The following PTPRD variants were observed in gnomAD, a reference collection of about 807,000 sequenced individuals.
PTPRD encodes receptor-type tyrosine-protein phosphatase delta.
A neutral mutation model predicts 214.5 loss-of-function variants in PTPRD; 34 were observed. The observed-to-expected ratio is 0.16, with a 90% CI of 0.12 to 0.21. The LOEUF (loss-of-function observed/expected upper bound fraction) is 0.21. Among genes scored for constraint, PTPRD ranks in the 10% least tolerant of loss-of-function variants. The pLI, the probability that PTPRD is intolerant of heterozygous loss-of-function variation, is 1.00. For missense variants in PTPRD, 2,545 were observed against 2,398.7 expected, an observed-to-expected ratio of 1.06 and a Z score of -1.27; for synonymous variants, 1,128 against 845.7, an observed-to-expected ratio of 1.33 and a Z score of -5.79.
chr9:10,118,126 T>A (rs746792256), intron 3 of PTPRD, among the ~76,000 whole-genome samples: 1 of 151,956 alleles, frequency 6.6e-6, no homozygotes, highest in Non-Finnish European at 1.5e-5. Flanking sequence ...AGGTTTGCAA[T>A]GGCCATGATA....
chr9:9,410,132 G>A (rs572583453), intron 8 of PTPRD, among the ~76,000 whole-genome samples: 1 of 152,122 alleles, frequency 6.6e-6, no homozygotes, highest in Non-Finnish European at 1.5e-5. Flanking sequence ...TTTAAAGACA[G>A]CATCAGTTGC....
intron 4 of PTPRD, among the ~76,000 whole-genome samples, chr9:10,020,191 T>C (rs1453171823): frequency 3.3e-5 from 5 of 152,206 alleles, no homozygotes; most frequent in Non-Finnish European, 7.4e-5. Flanking sequence ...TTTTTAAAAG[T>C]TACTATTTTA....
intron 19 of PTPRD, among the ~76,000 whole-genome samples, chr9:8,522,925 C>G (rs1050488938): frequency 2.6e-5 from 4 of 152,112 alleles, no homozygotes; most frequent in African/African-American, 9.7e-5. Context: ...AACTTTTTGG[C>G]TGCTCTTAAG....
At chr9:9,291,620 T>C (rs62532860) in intron 9 of PTPRD, among the ~76,000 whole-genome samples, 19,878 of 151,300 alleles carry the variant, frequency 0.13, 1,663 homozygotes, top group Middle Eastern at 0.2. Flanking sequence ...TAAGCAACTA[T>C]AAAGTTTATA....
intron 9 of PTPRD, among the ~76,000 whole-genome samples, chr9:9,380,652 T>G (rs1386290168): frequency 6.6e-6 from 1 of 152,298 alleles, no homozygotes; most frequent in Admixed American, 6.5e-5. Flanking sequence ...AAGAATTTTT[T>G]TTGCCATTGT....
chr9:10,034,948 G>A (rs2097151148), intron 3 of PTPRD, among the ~76,000 whole-genome samples: 1 of 151,780 alleles, frequency 6.6e-6, no homozygotes, highest in Non-Finnish European at 1.5e-5. Flanking sequence ...ATGGTAATAG[G>A]ATTGCTAGTA....
chr9:9,704,950 A>T (rs2097571458), intron 7 of PTPRD, among the ~76,000 whole-genome samples: 1 of 152,214 alleles, frequency 6.6e-6, no homozygotes, highest in Non-Finnish European at 1.5e-5. Flanking sequence ...TATAAGAAAA[A>T]GTAAAATGAC....
Position 8,483,612 on chromosome 9 carries a change from C to G in PTPRD, c.3413+507G>C, listed in dbSNP as rs115902132. On this transcript the variant is annotated intron_variant, in intron 30 of 45. Transcript: ENST00000381196. ...CTAAAAATACAAAAAATTAGCCAGA[C>G]ATGGCGACAGGTGCCTGTAATCCCA... Among the ~76,000 whole-genome samples the G allele has an allele frequency of 5.0e-3, 762 of 152,202 alleles. 6 individuals are homozygous for G. Among genetic ancestry groups the G allele is most frequent in the African/African-American group, 0.016 (671 of 41,534 alleles).
intron 2 of PTPRD, among the ~76,000 whole-genome samples, chr9:10,524,614 T>C (rs2053633999): frequency 6.6e-6 from 1 of 152,054 alleles, no homozygotes; most frequent in African/African-American, 2.4e-5. Context: ...TCAATAAGGA[T>C]ATGTGTTGCC....
Position 9,143,687 on chromosome 9 carries a change from T to TA in PTPRD, c.-143+39616dup, listed in dbSNP as rs577340357. Among the ~76,000 whole-genome samples the TA allele has an allele frequency of 2.1e-3, 327 of 152,270 alleles. 1 individual carries two copies. Among genetic ancestry groups the TA allele is most frequent in the African/African-American group, 7.6e-3 (317 of 41,562 alleles). ...GGCATTCACAAACTTTGTATGTTAT[T>TA]AAAAAATAATTGGCCTAATAATTTG... is the stretch of plus-strand genomic sequence containing the variant. On this transcript the variant is annotated intron_variant, in intron 10 of 45. Transcript: ENST00000381196.
chr9:9,257,013 G>C (rs1380991653), intron 9 of PTPRD, among the ~76,000 whole-genome samples: 1 of 152,076 alleles, frequency 6.6e-6, no homozygotes, highest in Non-Finnish European at 1.5e-5. Flanking sequence ...TTTAAGGGTT[G>C]TTCCCTCTTT....
intron 19 of PTPRD, among the ~76,000 whole-genome samples, chr9:8,522,032 C>A (rs575636840): frequency 6.6e-6 from 1 of 152,272 alleles, no homozygotes; most frequent in African/African-American, 2.4e-5. Context: ...CACATCCCAG[C>A]CCTGGAAAAC....
chr9:8,327,280 T>A (rs1479284544), intron 44 of PTPRD, among the ~76,000 whole-genome samples: 1 of 152,104 alleles, frequency 6.6e-6, no homozygotes, highest in Non-Finnish European at 1.5e-5. Flanking sequence ...CTTCATTCTG[T>A]TATTTACCCA....
chr9:9,656,803 G>T (rs1339627300), intron 7 of PTPRD, among the ~76,000 whole-genome samples: 1 of 152,022 alleles, frequency 6.6e-6, no homozygotes, highest in Non-Finnish European at 1.5e-5. Context: ...TTCATCAATT[G>T]TAACAAATGT....
intron 5 of PTPRD, among the ~76,000 whole-genome samples, chr9:9,852,421 A>T (rs2060720849): frequency 6.6e-6 from 1 of 152,118 alleles, no homozygotes; most frequent in Non-Finnish European, 1.5e-5. Context: ...TAGCAGACAA[A>T]AACTATTAGA....
intron 2 of PTPRD, among the ~76,000 whole-genome samples, chr9:10,529,055 G>A (rs1452961608): frequency 6.6e-6 from 1 of 152,018 alleles, no homozygotes; most frequent in Non-Finnish European, 1.5e-5. Flanking sequence ...ATTTGTTCAT[G>A]CTATAAAATA....
At chr9:8,571,948 G>A (rs2091265878) in intron 14 of PTPRD, among the ~76,000 whole-genome samples, 1 of 152,114 alleles carries the variant, frequency 6.6e-6, no homozygotes. Context: ...TTGCATGGCA[G>A]AGGAAGGAAT....
chr9:8,965,721 C>T (rs1018280523), intron 11 of PTPRD, among the ~76,000 whole-genome samples: 5 of 152,080 alleles, frequency 3.3e-5, no homozygotes, highest in Non-Finnish European at 7.4e-5. Context: ...CCCTTGAGAA[C>T]TGGAAGAAAA....
chr9:8,741,815 T>G (rs1598460350), intron 11 of PTPRD, among the ~76,000 whole-genome samples: 1 of 151,926 alleles, frequency 6.6e-6, no homozygotes, highest in East Asian at 1.9e-4. Context: ...GGTGTCAAAC[T>G]CCTGATGTCG....
Sources: gnomAD v4.1 joint callset for allele counts (sites outside exome capture counted in the v4.1 genomes callset) on GRCh38, gnomAD v4.1.1 for gene constraint, MANE v1.5 for transcripts, NCBI Gene and HGNC (gene_info 2026-07-23, HGNC 2026-07-21) for gene names.